Variants in ARHGAP11B observed in about 807,000 individuals in gnomAD.
ARHGAP11B encodes Rho GTPase activating protein 11B.
A neutral mutation model predicts 27.6 loss-of-function variants in ARHGAP11B; 14 were observed. The ratio of observed to expected loss-of-function variants is 0.51; its 90% CI spans 0.34 to 0.79. ARHGAP11B has a LOEUF of 0.79. ARHGAP11B is among the 30% of genes least tolerant of loss of function. The pLI is 0.02. For synonymous variants in ARHGAP11B, 82 were observed against 114.1 expected, an observed-to-expected ratio of 0.72 and a Z score of 1.80; for missense variants, 245 against 320.1, an observed-to-expected ratio of 0.77 and a Z score of 1.79.
exon 11 of ARHGAP11B, chr15:30,648,716 G>C (rs991085579): frequency 1.3e-5 from 2 of 151,992 alleles, no homozygotes; most frequent in Admixed American, 6.6e-5. Flanking sequence ...TCTCATGACT[G>C]TTAGGAAAAG....
intron 1 of ARHGAP11B, 151 bp downstream of exon 1, chr15:30,627,100 A>G (rs2060214288): frequency 7.7e-7 from 1 of 1,292,254 alleles, no homozygotes; most frequent in Non-Finnish European, 1.0e-6. Context: ...GCTGATATTT[A>G]AAAAGTGACA....
intron 7 of ARHGAP11B, among the ~76,000 whole-genome samples, chr15:30,639,971 A>AGTGTGTGTGTGTGTGTGTGTGTGT (rs71103435): frequency 7.0e-6 from 1 of 143,192 alleles, no homozygotes; most frequent in African/African-American, 2.6e-5. Context: ...TTCAATATAG[A>AGTGTGTGTGTGTGTGTGTGTGTGT]GTGTGTGTGT....
Position 30,635,641 on chromosome 15 carries a change from G to A in ARHGAP11B, c.*3+8G>A, listed in dbSNP as rs769370376. Reference sequence around the variant, plus strand: ...GAAGACAACGTGTAGGAGGTAAGTGGTGGTCCCATTTTATGGAGGTACAGT... The same window carrying A: ...GAAGACAACGTGTAGGAGGTAAGTGATGGTCCCATTTTATGGAGGTACAGT... On this transcript the variant is annotated splice_region_variant and intron_variant, in intron 6 of 10. Coordinates refer to ENST00000428041, the Ensembl canonical transcript of ARHGAP11B. The A allele has an allele frequency of 2.5e-6, 4 of 1,613,182 alleles. No individual in the cohort carries two copies. Among genetic ancestry groups the A allele is most frequent in the African/African-American group, 1.3e-5 (1 of 74,956 alleles).
intron 9 of ARHGAP11B, among the ~76,000 whole-genome samples, chr15:30,646,823 G>T (rs1286153751): frequency 6.6e-6 from 1 of 151,634 alleles, no homozygotes; most frequent in African/African-American, 2.4e-5. Context: ...TACAAAATTA[G>T]CCGGGCGTGG....
At chr15:30,635,082 C>T (rs1299471375) in exon 5 of ARHGAP11B, 1 of 1,612,960 alleles carries the variant, frequency 6.2e-7, no homozygotes, top group South Asian at 1.1e-5. Context: ...CACTTAAGAT[C>T]CAGTGAGAAT....
At chr15:30,639,971 A>AGAGAGTGTGT (rs371550239) in intron 7 of ARHGAP11B, among the ~76,000 whole-genome samples, 12 of 143,288 alleles carry the variant, frequency 8.4e-5, no homozygotes, top group African/African-American at 3.1e-4. Flanking sequence ...TTCAATATAG[A>AGAGAGTGTGT]GTGTGTGTGT....
chr15:30,643,740 T>C (rs761439612), intron 7 of ARHGAP11B, among the ~76,000 whole-genome samples: 4 of 152,052 alleles, frequency 2.6e-5, no homozygotes, highest in Non-Finnish European at 5.9e-5. Context: ...GAGATTAGAA[T>C]GGGAATATGC....
chr15:30,637,712 C>A (rs1205091157), intron 6 of ARHGAP11B, among the ~76,000 whole-genome samples: 1 of 151,494 alleles, frequency 6.6e-6, no homozygotes, highest in East Asian at 2.0e-4. Flanking sequence ...CCAGCCTGGG[C>A]AACATAGCGA....
intron 2 of ARHGAP11B, among the ~76,000 whole-genome samples, chr15:30,632,760 A>G (rs1316595577): frequency 6.6e-6 from 1 of 151,802 alleles, no homozygotes; most frequent in Admixed American, 6.6e-5. Context: ...AAGGACTGGG[A>G]TATATCCTAC....
intron 8 of ARHGAP11B, chr15:30,644,839 C>A: frequency 1.2e-6 from 1 of 830,812 alleles, no homozygotes; most frequent in Middle Eastern, 3.8e-4. Flanking sequence ...ATTCTTGGGT[C>A]AGTGTTATGT....
chr15:30,633,302 G>C (rs2060257136), intron 2 of ARHGAP11B, among the ~76,000 whole-genome samples, 188 bp from the exon 3 acceptor site: 1 of 152,034 alleles, frequency 6.6e-6, no homozygotes, highest in African/African-American at 2.4e-5. Flanking sequence ...TAAGTAAAAA[G>C]ATGGGCCTTG....
In ARHGAP11B at chr15:30,635,599, T is replaced by C. The variant is rs754109042; in HGVS notation, c.773T>C (p.Val258Ala). 2.4e-5 allele frequency: 38 copies of C among 1,613,398 alleles called. No homozygotes were observed. The highest frequency in any genetic ancestry group is 3.1e-5 in the Non-Finnish European group (37 of 1,179,594). The change falls in exon 6 of 11, where the codon GTG becomes GCG. Residue 258 changes from valine to alanine, a missense_variant. Val to Ala is a moderately conservative substitution (Grantham distance 64, BLOSUM62 0). Coordinates refer to ENST00000428041, the Ensembl canonical transcript of ARHGAP11B. Reference sequence around the variant, plus strand: ...AAGAAGGTGAATATGAAACTCCTGGTGAATATAAGAGAAAGAGAAGACAAC... The same window carrying C: ...AAGAAGGTGAATATGAAACTCCTGGCGAATATAAGAGAAAGAGAAGACAAC...
chr15:30,631,527 A>C (rs946430675), intron 2 of ARHGAP11B, among the ~76,000 whole-genome samples: 1 of 151,854 alleles, frequency 6.6e-6, no homozygotes, highest in African/African-American at 2.4e-5. Context: ...TCAGCTGGGC[A>C]AGGTGGTGTA....
In ARHGAP11B at chr15:30,630,911, C is replaced by T. The variant is rs557795104; in HGVS notation, c.200+138C>T. 1,326 of 1,463,034 alleles carry T rather than the reference C, an allele frequency of 9.1e-4. 16 individuals are homozygous for T. The African/African-American group carries it at 0.017, about 19-fold the overall frequency. The allele number at this position is 1,463,034 out of a possible 1,614,324, so 90.6% of individuals were successfully genotyped here. On this transcript the variant is annotated intron_variant, in intron 2 of 10. Transcript: ENST00000428041. Reference sequence around the variant, plus strand: ...CCTGGGCAACATGGTGAGACCTTGTCGCAAAAGATAGAAAAATTAGCTTGG... The same window carrying T: ...CCTGGGCAACATGGTGAGACCTTGTTGCAAAAGATAGAAAAATTAGCTTGG...
At chr15:30,641,937 A>G (rs1306875382) in intron 7 of ARHGAP11B, among the ~76,000 whole-genome samples, 1 of 151,832 alleles carries the variant, frequency 6.6e-6, no homozygotes, top group Non-Finnish European at 1.5e-5. Context: ...GGCTCGTTTG[A>G]ACTCCTGGCC....
At position 30,644,806 on chromosome 15, in the gene ARHGAP11B, A is replaced by G. The variant is rs149279380; in HGVS notation, c.*142+104A>G. ...TATTTGTATGTGAATAACTAAATTT[A>G]TTTTGTCTTGACAATTGGTTATATT... is the stretch of plus-strand genomic sequence containing the variant. On this transcript the variant is annotated intron_variant, in intron 8 of 10. Coordinates refer to ENST00000428041, the Ensembl canonical transcript of ARHGAP11B. 1,123 of 1,043,060 alleles carry G rather than the reference A, an allele frequency of 1.1e-3. 16 individuals are homozygous for G. In the African/African-American group the frequency reaches 0.016, roughly 15 times the overall value. The allele number at this position is 1,043,060 out of a possible 1,614,324, so 64.6% of individuals were successfully genotyped here. A position where few individuals can be genotyped will look rare whatever the true frequency, so the allele number is the denominator to read the frequency against.
chr15:30,644,575 A>G (rs1183487279), intron 7 of ARHGAP11B: 2 of 921,590 alleles, frequency 2.2e-6, no homozygotes, highest in East Asian at 2.4e-5. Context: ...GATATAAGGG[A>G]CATATAAGGA....
chr15:30,644,125 CAAAA>C (rs567741917), intron 7 of ARHGAP11B, among the ~76,000 whole-genome samples: 1 of 145,138 alleles, frequency 6.9e-6, no homozygotes, highest in Non-Finnish European at 1.5e-5. Context: ...CTACTATTTA[CAAAA>C]AAAAAAAATT....
chr15:30,632,680 T>C (rs1282801095), intron 2 of ARHGAP11B, among the ~76,000 whole-genome samples: 1 of 151,016 alleles, frequency 6.6e-6, no homozygotes, highest in Non-Finnish European at 1.5e-5. Context: ...AAAGCCAACA[T>C]TGAGATTTAT....
Sources: allele counts gnomAD v4.1 joint callset (sites outside exome capture counted in the v4.1 genomes callset), GRCh38; gene constraint gnomAD v4.1.1; transcripts MANE v1.5; gene names NCBI Gene and HGNC (gene_info 2026-07-23, HGNC 2026-07-21).